Variants in WWOX observed in about 807,000 individuals in gnomAD.
WWOX encodes WW domain containing oxidoreductase, also known as WW domain-containing oxidoreductase.
WWOX carries 69 observed loss-of-function variants against 46.2 expected under a neutral mutation model. That is an observed-to-expected ratio of 1.49 (90% CI 1.23 to 1.82). The LOEUF is 1.82. Ranked by LOEUF, WWOX falls within the 40% of genes most tolerant of loss-of-function variation. The probability of loss-of-function intolerance (pLI) is 0.00; values close to 1 mark genes in which losing one functional copy is unlikely to be tolerated. For synonymous variants in WWOX, 359 were observed against 202.6 expected (o/e 1.77, Z -6.56); for missense variants, 919 against 542.6 (o/e 1.69, Z -6.89).
intron 8 of WWOX, among the ~76,000 whole-genome samples, chr16:78,563,217 T>C (rs1430966065): frequency 6.6e-6 from 1 of 152,188 alleles, no homozygotes; most frequent in Non-Finnish European, 1.5e-5. Context: ...TTGCTGAAAA[T>C]GTCATTTGCA....
chr16:78,355,376 G>A (rs563389945), intron 5 of WWOX, among the ~76,000 whole-genome samples: 1 of 152,290 alleles, frequency 6.6e-6, no homozygotes, highest in Non-Finnish European at 1.5e-5. Context: ...GCTGAGGCGG[G>A]CGAATCACGA....
chr16:79,064,814 C>G (rs2048413389), intron 8 of WWOX, among the ~76,000 whole-genome samples: 1 of 152,140 alleles, frequency 6.6e-6, no homozygotes, highest in South Asian at 2.1e-4. Context: ...ATAAGCTTAA[C>G]TTATTTATGA....
At chr16:79,127,663 C>G (rs1325712988) in intron 8 of WWOX, among the ~76,000 whole-genome samples, 1 of 152,126 alleles carries the variant, frequency 6.6e-6, no homozygotes, top group Non-Finnish European at 1.5e-5. Flanking sequence ...AGTATGCACT[C>G]CGGTCGTTTT....
At chr16:79,062,073 C>G (rs1191323487) in intron 8 of WWOX, among the ~76,000 whole-genome samples, 1 of 152,094 alleles carries the variant, frequency 6.6e-6, no homozygotes, top group Non-Finnish European at 1.5e-5. Flanking sequence ...CTAGAAGATG[C>G]AAGGGTGAAA....
intron 8 of WWOX, among the ~76,000 whole-genome samples, chr16:78,942,446 A>T (rs1394362800): frequency 6.6e-6 from 1 of 152,188 alleles, no homozygotes; most frequent in Non-Finnish European, 1.5e-5. Flanking sequence ...CAGCAGTTTG[A>T]AGATAAGTCT....
At chr16:78,715,352 A>C (rs74426164) in intron 8 of WWOX, among the ~76,000 whole-genome samples, 2,238 of 152,224 alleles carry the variant, frequency 0.015, 23 homozygotes, top group South Asian at 0.038. Context: ...CTTCATCCCC[A>C]GCTTTGTGAT....
intron 5 of WWOX, among the ~76,000 whole-genome samples, chr16:78,322,891 T>C (rs1042995038): frequency 1.3e-5 from 2 of 152,318 alleles, no homozygotes; most frequent in East Asian, 3.9e-4. Flanking sequence ...TTTATGATTT[T>C]CATGATCACA....
chr16:78,556,984 G>T (rs2044313785), intron 8 of WWOX, among the ~76,000 whole-genome samples: 1 of 152,062 alleles, frequency 6.6e-6, no homozygotes. Flanking sequence ...CTCCCAAAGT[G>T]CAGGGATTAA....
intron 4 of WWOX, among the ~76,000 whole-genome samples, chr16:78,122,325 A>G (rs1305378007): frequency 2.0e-5 from 3 of 152,184 alleles, no homozygotes; most frequent in Non-Finnish European, 4.4e-5. Context: ...GTTGAATTTC[A>G]TGCCTGCATG....
At chr16:78,404,600 A>T (rs2082484280) in intron 6 of WWOX, among the ~76,000 whole-genome samples, 2 of 152,084 alleles carry the variant, frequency 1.3e-5, no homozygotes, top group Non-Finnish European at 2.9e-5. Context: ...TCACAACTAA[A>T]TTTCTTAAGG....
At chr16:78,235,497 T>G (rs925057678) in intron 5 of WWOX, among the ~76,000 whole-genome samples, 1 of 152,172 alleles carries the variant, frequency 6.6e-6, no homozygotes, top group Non-Finnish European at 1.5e-5. Context: ...TGGAAAAGCC[T>G]CCGGACCGGG....
chr16:78,162,466 G>A (rs1220348805), intron 4 of WWOX, among the ~76,000 whole-genome samples: 1 of 130,978 alleles, frequency 7.6e-6, no homozygotes, highest in Admixed American at 8.1e-5. Context: ...GGCTCACACA[G>A]ACATAAATAT....
At chr16:79,185,867 A>C (rs762281588) in intron 8 of WWOX, among the ~76,000 whole-genome samples, 28 of 152,172 alleles carry the variant, frequency 1.8e-4, no homozygotes, top group Non-Finnish European at 2.9e-4. Flanking sequence ...TAAAAAAGAT[A>C]AATTTAGTGC....
chr16:78,402,659 A>G (rs994650345), intron 6 of WWOX, among the ~76,000 whole-genome samples: 1 of 152,202 alleles, frequency 6.6e-6, no homozygotes, highest in Non-Finnish European at 1.5e-5. Context: ...GGAGAAACTT[A>G]CAAGTCCACG....
intron 5 of WWOX, among the ~76,000 whole-genome samples, chr16:78,208,961 A>G (rs893772372): frequency 9.2e-5 from 14 of 151,994 alleles, no homozygotes; most frequent in Non-Finnish European, 1.9e-4. Flanking sequence ...GCATCTGGGG[A>G]AAGAAGAATG....
At chr16:78,591,531 G>A (rs187276203) in intron 8 of WWOX, among the ~76,000 whole-genome samples, 1 of 152,252 alleles carries the variant, frequency 6.6e-6, no homozygotes, top group Admixed American at 6.5e-5. Context: ...ACTGTGGGGT[G>A]GTAGACAGAT....
intron 8 of WWOX, among the ~76,000 whole-genome samples, chr16:78,646,970 C>T (rs552642454): frequency 3.9e-5 from 6 of 152,124 alleles, no homozygotes; most frequent in East Asian, 1.9e-4. Flanking sequence ...ACTCTAGGCA[C>T]GTAACTGGCT....
intron 8 of WWOX, among the ~76,000 whole-genome samples, chr16:78,588,601 A>C (rs1468754519): frequency 6.6e-6 from 1 of 152,168 alleles, no homozygotes; most frequent in Non-Finnish European, 1.5e-5. Flanking sequence ...TTTGTACATG[A>C]GGATACTGAG....
intron 8 of WWOX, among the ~76,000 whole-genome samples, chr16:78,599,261 C>T (rs190507320): frequency 3.2e-4 from 49 of 152,206 alleles, no homozygotes; most frequent in African/African-American, 1.1e-3. Context: ...CTCAGCTGGT[C>T]TAGCTTTGTC....
Sources: gnomAD v4.1 joint callset for allele counts (sites outside exome capture counted in the v4.1 genomes callset) on GRCh38, gnomAD v4.1.1 for gene constraint, MANE v1.5 for transcripts, NCBI Gene and HGNC (gene_info 2026-07-23, HGNC 2026-07-21) for gene names.